WDR41: variants seen among roughly 807,000 people sequenced by gnomAD.
WDR41 encodes WD repeat domain 41.
In WDR41, 63 loss-of-function variants were observed where a neutral mutation model predicts 69.3. The observed-to-expected ratio is 0.91, with a 90% CI of 0.74 to 1.12. The LOEUF is 1.12. Among genes scored for constraint, WDR41 ranks in the 50% most tolerant of loss-of-function variants. WDR41 has a pLI of 0.00. For synonymous variants in WDR41, 185 were observed against 192.1 expected, an observed-to-expected ratio of 0.96 and a Z score of 0.31; for missense variants, 543 against 534.5, an observed-to-expected ratio of 1.02 and a Z score of -0.16.
chr5:77,588,537 C>T (rs1744080654), intron 1 of WDR41, among the ~76,000 whole-genome samples: 2 of 152,052 alleles, frequency 1.3e-5, no homozygotes, highest in Non-Finnish European at 2.9e-5. Context: ...TGACCCTTTC[C>T]CTTGCACTTC....
At chr5:77,501,939 T>G (rs570233751) in intron 1 of WDR41, among the ~76,000 whole-genome samples, 4 of 152,206 alleles carry the variant, frequency 2.6e-5, no homozygotes, top group African/African-American at 4.8e-5. Flanking sequence ...GCAGAAAAAC[T>G]GAAAATTCTA....
rs1007199456 is a variant in WDR41 at position 77,431,323 on chromosome 5, CAAA to C, written c.*1809_*1811del. 5 of 152,422 alleles carry C rather than the reference CAAA, an allele frequency of 3.3e-5. No homozygotes were observed. Among genetic ancestry groups the C allele is most frequent in the South Asian group, 2.0e-4 (1 of 5,088 alleles). 9.4% of individuals were successfully genotyped at this position (152,422 alleles called of 1,614,324 possible). On this transcript the variant is annotated 3_prime_UTR_variant, in exon 13 of 13. Transcript: ENST00000296679. ...CAGCAGTATCAAGACCCTCCACCAG[CAAA>C]AAGATTATGACTCGCTGAAGGCTCA...
intron 1 of WDR41, among the ~76,000 whole-genome samples, chr5:77,491,568 G>A (rs567432938): frequency 1.2e-4 from 19 of 152,028 alleles, no homozygotes; most frequent in South Asian, 1.2e-3. Flanking sequence ...TCAATTATTC[G>A]GGCCCATGAA....
At chr5:77,479,330 T>G (rs917312533) in intron 2 of WDR41, among the ~76,000 whole-genome samples, 5 of 151,870 alleles carry the variant, frequency 3.3e-5, no homozygotes, top group African/African-American at 9.7e-5. Context: ...TACTTTAAAG[T>G]TCATATGGAA....
intron 2 of WDR41, among the ~76,000 whole-genome samples, chr5:77,475,554 G>A (rs1800875512): frequency 6.6e-6 from 1 of 152,172 alleles, no homozygotes; most frequent in African/African-American, 2.4e-5. Context: ...CCCCCCAGAA[G>A]GGAGAGACTG....
chr5:77,548,736 TA>T (rs1337645680), intron 1 of WDR41, among the ~76,000 whole-genome samples: 3 of 152,186 alleles, frequency 2.0e-5, no homozygotes, highest in African/African-American at 7.2e-5. Context: ...CTTAAAGAAC[TA>T]AAAGTAGAAC....
intron 1 of WDR41, among the ~76,000 whole-genome samples, chr5:77,613,630 A>C (rs1425574510): frequency 1.3e-5 from 2 of 152,238 alleles, no homozygotes; most frequent in African/African-American, 4.8e-5. Context: ...CTTACACCTT[A>C]TACAAAAATT....
At chr5:77,484,972 G>C (rs897664345) in intron 2 of WDR41, among the ~76,000 whole-genome samples, 1 of 152,180 alleles carries the variant, frequency 6.6e-6, no homozygotes, top group Non-Finnish European at 1.5e-5. Flanking sequence ...AGGACCCTCA[G>C]CAAATAACTA....
chr5:77,487,730 G>A lies in WDR41; in HGVS notation c.167+1727C>T, dbSNP rs945735030. On this transcript the variant is annotated intron_variant, in intron 2 of 12. Coordinates refer to ENST00000296679, the MANE Select transcript of WDR41 (RefSeq NM_018268.4). ...ACAGTGGGCCCTGAGATAACATCAG[G>A]AAAGGGGCTGGCCAAGGTGGAAAAA... 1.3e-5 allele frequency among the ~76,000 whole-genome samples: 2 copies of A among 152,148 alleles called. 1 individual carries two copies. The highest frequency in any genetic ancestry group is 1.3e-4 in the Admixed American group (2 of 15,272).
chr5:77,450,254 C>T (rs1483101103), intron 7 of WDR41, among the ~76,000 whole-genome samples: 1 of 152,208 alleles, frequency 6.6e-6, no homozygotes, highest in Non-Finnish European at 1.5e-5. Context: ...GTCTCTTACT[C>T]ATGTAAGCAT....
chr5:77,567,496 T>C (rs1297001457), intron 1 of WDR41, among the ~76,000 whole-genome samples: 1 of 152,030 alleles, frequency 6.6e-6, no homozygotes, highest in Non-Finnish European at 1.5e-5. Context: ...CTCACAGAGT[T>C]ACTTGACCCA....
intron 1 of WDR41, among the ~76,000 whole-genome samples, chr5:77,576,097 A>C (rs1423602499): frequency 6.6e-6 from 1 of 152,160 alleles, no homozygotes; most frequent in African/African-American, 2.4e-5. Flanking sequence ...ACTTCATAGC[A>C]TGTCTTACAC....
At chr5:77,579,866 G>T (rs57840239) in intron 1 of WDR41, among the ~76,000 whole-genome samples, 65,406 of 151,730 alleles carry the variant, frequency 0.43, 15,394 homozygotes, top group African/African-American at 0.61. Flanking sequence ...TATAACATAT[G>T]GAAATATAAT....
chr5:77,612,824 T>C (rs1387925574), intron 1 of WDR41, among the ~76,000 whole-genome samples: 3 of 150,436 alleles, frequency 2.0e-5, no homozygotes, highest in Non-Finnish European at 1.5e-5. Flanking sequence ...AAATAAAGGG[T>C]ATTCAATTAG....
intron 1 of WDR41, among the ~76,000 whole-genome samples, chr5:77,530,026 T>G (rs73765355): frequency 8.0e-5 from 11 of 137,006 alleles, no homozygotes; most frequent in Non-Finnish European, 1.3e-4. Flanking sequence ...CAGAAAGGAA[T>G]AAAGCAATAA....
intron 1 of WDR41, among the ~76,000 whole-genome samples, chr5:77,588,494 T>A (rs1744079812): frequency 6.6e-6 from 1 of 152,100 alleles, no homozygotes; most frequent in South Asian, 2.1e-4. Context: ...CTTTTTTACT[T>A]CAATTTGGAT....
chr5:77,463,316 G>A (rs1024516138), intron 3 of WDR41, 90 bp from the exon 4 acceptor site: 26 of 1,229,334 alleles, frequency 2.1e-5, no homozygotes, highest in Non-Finnish European at 2.9e-5. Context: ...CCATATAGAA[G>A]ATACATATAC....
At chr5:77,615,790 C>T (rs1404347121) in intron 1 of WDR41, among the ~76,000 whole-genome samples, 2 of 150,440 alleles carry the variant, frequency 1.3e-5, no homozygotes, top group African/African-American at 2.4e-5. Flanking sequence ...GTCAGAGGTT[C>T]GAGACCACCC....
intron 1 of WDR41, among the ~76,000 whole-genome samples, chr5:77,583,553 G>A (rs971745969): frequency 1.3e-5 from 2 of 151,534 alleles, no homozygotes; most frequent in African/African-American, 2.4e-5. Context: ...TACGTTTCAT[G>A]TCTGTATCAA....
Sources: allele counts gnomAD v4.1 joint callset (sites outside exome capture counted in the v4.1 genomes callset), GRCh38; gene constraint gnomAD v4.1.1; transcripts MANE v1.5; gene names NCBI Gene and HGNC (gene_info 2026-07-23, HGNC 2026-07-21).